SGK1: variants seen among roughly 807,000 people sequenced by gnomAD.
The protein encoded by SGK1 is serum/glucocorticoid regulated kinase 1.
A neutral mutation model predicts 64.2 loss-of-function variants in SGK1; 26 were observed. The observed-to-expected ratio is 0.40, with a 90% CI of 0.30 to 0.56. The LOEUF is 0.56. Ranked by LOEUF, SGK1 falls within the 20% of genes least tolerant of loss-of-function variation. SGK1 has a pLI of 0.38. For missense variants in SGK1, 519 were observed against 645.6 expected (o/e 0.80, Z 2.12); for synonymous variants, 265 against 239.7 (o/e 1.11, Z -0.98).
intron 1 of SGK1, among the ~76,000 whole-genome samples, chr6:134,278,190 ATC>A (rs1562272609): frequency 1.3e-5 from 2 of 152,228 alleles, no homozygotes; most frequent in Non-Finnish European, 2.9e-5. Flanking sequence ...TGAACAAATG[ATC>A]AAATGACATT....
chr6:134,170,216 A>G lies in SGK1; in HGVS notation c.*52T>C. 3 of 1,509,370 alleles carry G rather than the reference A, an allele frequency of 2.0e-6. No homozygotes were observed. Among genetic ancestry groups the G allele is most frequent in the South Asian group, 2.4e-5 (2 of 82,456 alleles). The allele number at this position is 1,509,370 out of a possible 1,614,324, so 93.5% of individuals were successfully genotyped here. On this transcript the variant is annotated 3_prime_UTR_variant, in exon 14 of 14. Coordinates refer to ENST00000367858, the MANE Select transcript of SGK1 (RefSeq NM_001143676.3). Reference sequence around the variant, plus strand: ...TGGCGGCTCCACCAAAAGGCTAACTAAAACATTCGGAAACACACATAAAAT... The same window carrying G: ...TGGCGGCTCCACCAAAAGGCTAACTGAAACATTCGGAAACACACATAAAAT...
chr6:134,175,005 C>T lies in SGK1; in HGVS notation c.362-419G>A, dbSNP rs1455509316. The stretch of plus-strand genomic sequence containing the variant: ...TCGCGGTTTGCTGGCGGCTACGCTG[C>T]CTGCGGCGGGCGGTTCTGTCCCCAT... On this transcript the variant is annotated intron_variant, in intron 3 of 13. Transcript: ENST00000367858. The T allele has an allele frequency of 1.6e-5, 18 of 1,139,114 alleles. No homozygotes were observed. The Admixed American group carries it at 4.8e-4, about 31-fold the overall frequency. The allele number at this position is 1,139,114 out of a possible 1,614,324, so 70.6% of individuals were successfully genotyped here.
At chr6:134,264,408 T>TGA in intron 1 of SGK1, among the ~76,000 whole-genome samples, 2 of 152,198 alleles carry the variant, frequency 1.3e-5, no homozygotes, top group South Asian at 4.2e-4. Context: ...CTTGAGCCAC[T>TGA]GCGCCTGGCC....
Position 134,175,537 on chromosome 6 carries a change from C to T in SGK1, c.362-951G>A, listed in dbSNP as rs373111204. The T allele has an allele frequency of 3.0e-4, 445 of 1,498,398 alleles. 1 individual carries two copies. The African/African-American group carries it at 6.1e-3, about 21-fold the overall frequency. 92.8% of individuals were successfully genotyped at this position (1,498,398 alleles called of 1,614,324 possible). A position where few individuals can be genotyped will look rare whatever the true frequency, so the allele number is the denominator to read the frequency against. ...AAGCCCCCAGCGGGGCCGGCGGCGG[C>T]GCTTACCCAGTCCGCTCAGCAGGAA... On this transcript the variant is annotated intron_variant, in intron 3 of 13. Transcript: ENST00000367858.
At chr6:134,172,021 G>T in intron 10 of SGK1, 172 bp downstream of exon 10, 1 of 807,620 alleles carries the variant, frequency 1.2e-6, no homozygotes, top group Non-Finnish European at 2.0e-6. Context: ...AGGAACAGAA[G>T]GACTTGGGAT....
At chr6:134,174,824 C>G (rs1562239748) in intron 3 of SGK1, 5 of 1,613,952 alleles carry the variant, frequency 3.1e-6, no homozygotes, top group Non-Finnish European at 4.2e-6. Flanking sequence ...CGCGGGGAGA[C>G]AGAAAGACGT....
intron 2 of SGK1, among the ~76,000 whole-genome samples, chr6:134,227,931 A>T: frequency 6.8e-6 from 1 of 147,758 alleles, no homozygotes. Context: ...AGAAGACTGA[A>T]TGGAATTCAT....
rs869072819 is a variant in SGK1, at chr6:134,206,383, A to ATTTTTTT, written c.361+966_361+972dup. 8.2e-3 allele frequency among the ~76,000 whole-genome samples: 135 copies of ATTTTTTT among 16,476 alleles called. 5 individuals are homozygous for ATTTTTTT. Among genetic ancestry groups the ATTTTTTT allele is most frequent in the East Asian group, 0.016 (6 of 372 alleles). The allele number at this position is 16,476 out of a possible 152,430, so 10.8% of individuals were successfully genotyped here. On this transcript the variant is annotated intron_variant, in intron 3 of 13. Coordinates refer to ENST00000367858, the MANE Select transcript of SGK1 (RefSeq NM_001143676.3). ...TATATATATATATATATATATATAT[A>ATTTTTTT]TTTTTTTTTTTTTTTTTTTTTTTTA... is the stretch of plus-strand genomic sequence containing the variant.
chr6:134,206,224 C>A (rs993023692), intron 3 of SGK1, among the ~76,000 whole-genome samples: 12 of 151,168 alleles, frequency 7.9e-5, no homozygotes, highest in Non-Finnish European at 1.5e-4. Context: ...AACTTGGACT[C>A]ATGTGTTTGC....
At chr6:134,278,754 A>C (rs565564728) in intron 1 of SGK1, among the ~76,000 whole-genome samples, 25 of 152,320 alleles carry the variant, frequency 1.6e-4, no homozygotes, top group African/African-American at 6.0e-4. Flanking sequence ...TTCTGAAATT[A>C]TGGAAGATAA....
chr6:134,214,931 G>C, intron 2 of SGK1: 1 of 387,572 alleles, frequency 2.6e-6, no homozygotes, highest in Non-Finnish European at 5.1e-6. Flanking sequence ...TAGGTAAGTG[G>C]AAGAAAGATC....
chr6:134,279,221 C>T (rs1454092500), intron 1 of SGK1, among the ~76,000 whole-genome samples: 1 of 152,072 alleles, frequency 6.6e-6, no homozygotes, highest in African/African-American at 2.4e-5. Flanking sequence ...CACTTGAGGT[C>T]AGGAGTTCAA....
intron 1 of SGK1, among the ~76,000 whole-genome samples, chr6:134,300,632 G>GTT (rs775160946): frequency 0.15 from 18,280 of 120,758 alleles, 2,149 homozygotes; most frequent in East Asian, 0.47. Context: ...TAAATGTTTG[G>GTT]TTTTTTTTTT....
chr6:134,273,892 C>T (rs929581014), intron 1 of SGK1, among the ~76,000 whole-genome samples: 1 of 152,054 alleles, frequency 6.6e-6, no homozygotes, highest in Non-Finnish European at 1.5e-5. Flanking sequence ...CTCCTGGGCT[C>T]CAGTGATTCT....
chr6:134,266,131 C>G (rs555224368), intron 1 of SGK1, among the ~76,000 whole-genome samples: 1 of 151,786 alleles, frequency 6.6e-6, no homozygotes, highest in South Asian at 2.1e-4. Flanking sequence ...TTACAGGCAC[C>G]GTGCCCCCAC....
intron 3 of SGK1, among the ~76,000 whole-genome samples, chr6:134,183,905 T>C (rs931532357): frequency 1.6e-5 from 2 of 127,046 alleles, no homozygotes; most frequent in African/African-American, 6.0e-5. Context: ...ATTTGTGTGC[T>C]TAGTTATTTA....
At chr6:134,204,901 C>A (rs898141505) in intron 3 of SGK1, among the ~76,000 whole-genome samples, 3 of 152,094 alleles carry the variant, frequency 2.0e-5, no homozygotes, top group African/African-American at 7.2e-5. Context: ...GCAACATTTT[C>A]TTTTTCTTTC....
chr6:134,175,640 G>C (rs755266813), intron 3 of SGK1: 1 of 1,530,202 alleles, frequency 6.5e-7, no homozygotes, highest in Non-Finnish European at 8.8e-7. Context: ...GCTCTGGCCA[G>C]CGCGCCCTGC....
At chr6:134,193,140 T>G (rs1169188367) in intron 3 of SGK1, among the ~76,000 whole-genome samples, 1 of 152,234 alleles carries the variant, frequency 6.6e-6, no homozygotes, top group Non-Finnish European at 1.5e-5. Context: ...CTTACATATT[T>G]TAAACTAAAT....
Sources: gnomAD v4.1 joint callset for allele counts (sites outside exome capture counted in the v4.1 genomes callset) on GRCh38, gnomAD v4.1.1 for gene constraint, MANE v1.5 for transcripts, NCBI Gene and HGNC (gene_info 2026-07-23, HGNC 2026-07-21) for gene names.